GRAMD2B: variants seen among roughly 807,000 people sequenced by gnomAD.
GRAMD2B encodes GRAM domain-containing protein 2B.
GRAMD2B carries 41 observed loss-of-function variants against 59.2 expected under a neutral mutation model. The observed-to-expected ratio is 0.69, with a 90% CI of 0.54 to 0.90. The LOEUF (loss-of-function observed/expected upper bound fraction) is 0.90. Among genes scored for constraint, GRAMD2B ranks in the 40% least tolerant of loss-of-function variants. GRAMD2B has a pLI of 0.00. For missense variants in GRAMD2B, 424 were observed against 500.5 expected, an observed-to-expected ratio of 0.85 and a Z score of 1.46; for synonymous variants, 161 against 182.7, an observed-to-expected ratio of 0.88 and a Z score of 0.96.
Position 126,423,540 on chromosome 5 carries a change from A to G in GRAMD2B, c.-67A>G. 1 of 1,570,566 alleles carries G rather than the reference A, an allele frequency of 6.4e-7. No homozygotes were observed. The highest frequency in any genetic ancestry group is 8.6e-7 in the Non-Finnish European group (1 of 1,159,640). ...CTTGGCCTGCGCACCCGGACCTAGA[A>G]GCCGGGACGAGCCGGGGCAGAGCCA... On this transcript the variant is annotated 5_prime_UTR_variant, in exon 1 of 14. Transcript: ENST00000285689.
At chr5:126,421,914 GC>G (rs1417524509), upstream of GRAMD2B, among the ~76,000 whole-genome samples, 4 of 152,150 alleles carry the variant, frequency 2.6e-5, no homozygotes. Context: ...AGGACTTGCA[GC>G]CCCAGAACAT....
chr5:126,460,197 G>A (rs948588561), intron 1 of GRAMD2B, among the ~76,000 whole-genome samples: 2 of 152,156 alleles, frequency 1.3e-5, no homozygotes, highest in African/African-American at 2.4e-5. Context: ...AAATGCACAC[G>A]TTTACATACG....
upstream of GRAMD2B, among the ~76,000 whole-genome samples, chr5:126,366,863 T>C (rs1754462132): frequency 6.7e-6 from 1 of 149,156 alleles, no homozygotes; most frequent in Non-Finnish European, 1.5e-5. Flanking sequence ...TTTTTTTTTT[T>C]TTTCTTTTTG....
intron 1 of GRAMD2B, among the ~76,000 whole-genome samples, chr5:126,448,859 G>A: frequency 6.6e-6 from 1 of 152,328 alleles, no homozygotes; most frequent in East Asian, 1.9e-4. Context: ...TTTGTGAAAT[G>A]TGGATAACAC....
intron 1 of GRAMD2B, among the ~76,000 whole-genome samples, chr5:126,410,297 G>A (rs570201846): frequency 1.3e-3 from 199 of 151,678 alleles, no homozygotes; most frequent in African/African-American, 4.6e-3. Context: ...CCATTTTCAC[G>A]ATATTGATTC....
upstream of GRAMD2B, chr5:126,371,225 CAT>C (rs1754732574): frequency 6.4e-6 from 5 of 776,580 alleles, no homozygotes; most frequent in South Asian, 4.1e-5. Context: ...TTACAGCAAA[CAT>C]AGGTAGGATG....
chr5:126,447,362 C>G (rs935788930), intron 1 of GRAMD2B, among the ~76,000 whole-genome samples: 1 of 152,088 alleles, frequency 6.6e-6, no homozygotes, highest in Non-Finnish European at 1.5e-5. Flanking sequence ...GGGCCCTGGG[C>G]TAGAAATCAG....
upstream of GRAMD2B, among the ~76,000 whole-genome samples, chr5:126,422,050 C>T (rs914502465): frequency 3.3e-5 from 5 of 152,132 alleles, no homozygotes; most frequent in Middle Eastern, 3.2e-3. Context: ...TACTCCATTG[C>T]AAATTAGAAA....
At chr5:126,490,237 A>T (rs1281039784) in intron 13 of GRAMD2B, 1 of 152,198 alleles carries the variant, frequency 6.6e-6, no homozygotes, top group Non-Finnish European at 1.5e-5. Context: ...AACCCAGAGA[A>T]TGAAGTGGTA....
intron 1 of GRAMD2B, among the ~76,000 whole-genome samples, chr5:126,392,318 A>C (rs749598264): frequency 6.6e-6 from 1 of 152,158 alleles, no homozygotes; most frequent in Non-Finnish European, 1.5e-5. Context: ...TCACAGGGGG[A>C]AAGACACAAG....
At chr5:126,367,432 T>TGGGGGA (rs1754507767), upstream of GRAMD2B, among the ~76,000 whole-genome samples, 1 of 140,682 alleles carries the variant, frequency 7.1e-6, no homozygotes, top group Non-Finnish European at 1.5e-5. Context: ...CTGTAAAAAC[T>TGGGGGA]GGAGGAGGAG....
At chr5:126,465,405 G>A (rs1768134374) in intron 1 of GRAMD2B, 21 bp from the exon 2 acceptor site, 2 of 1,613,950 alleles carry the variant, frequency 1.2e-6, no homozygotes, top group Non-Finnish European at 1.7e-6. Context: ...CTAAAGTGAA[G>A]CGGTTTCCTT....
chr5:126,486,968 A>G lies in GRAMD2B; in HGVS notation c.1154A>G (p.His385Arg). The G allele has an allele frequency of 1.9e-6, 3 of 1,575,292 alleles. No homozygotes were observed. The highest frequency in any genetic ancestry group is 4.5e-5 in the East Asian group (2 of 44,620). ...TTACTAACCTCCATTGTGGACACCC[A>G]TAATACTGAGTAAGACGATTGCCTC... The part of the protein sequence containing the change: ...LGLLTSIVDT[H>R]NTEQAAPSGL... The change falls in exon 12 of 14, where the codon CAT becomes CGT. Residue 385 changes from histidine to arginine, a missense_variant. By Grantham distance (29) the His-to-Arg change is conservative (BLOSUM62 0). Transcript: ENST00000285689.
At chr5:126,382,247 C>T (rs1384959330) in intron 1 of GRAMD2B, among the ~76,000 whole-genome samples, 1 of 152,158 alleles carries the variant, frequency 6.6e-6, no homozygotes, top group Non-Finnish European at 1.5e-5. Flanking sequence ...TCTAGCAAGG[C>T]CAGGAAAGTT....
At chr5:126,459,073 C>T (rs1460827423) in intron 1 of GRAMD2B, 1 of 152,060 alleles carries the variant, frequency 6.6e-6, no homozygotes, top group African/African-American at 2.4e-5. Flanking sequence ...TTTTAAAGAC[C>T]TTAGAAAGAA....
chr5:126,450,452 A>G (rs963119927), intron 1 of GRAMD2B, among the ~76,000 whole-genome samples: 2 of 152,094 alleles, frequency 1.3e-5, no homozygotes, highest in Non-Finnish European at 2.9e-5. Flanking sequence ...AGGTCAGACA[A>G]GAGATTTGAA....
intron 3 of GRAMD2B, 71 bp downstream of exon 3, chr5:126,469,859 C>A (rs1769217929): frequency 2.0e-6 from 2 of 1,011,034 alleles, no homozygotes; most frequent in Non-Finnish European, 3.1e-6. Context: ...CAAGAAGGAA[C>A]CCAAGTATGC....
chr5:126,407,066 A>C (rs1472706421), intron 1 of GRAMD2B, among the ~76,000 whole-genome samples: 1 of 152,044 alleles, frequency 6.6e-6, no homozygotes, highest in Non-Finnish European at 1.5e-5. Flanking sequence ...ATAATTTGAC[A>C]TTCTTGCTAC....
chr5:126,392,400 A>G (rs192438097), intron 1 of GRAMD2B, among the ~76,000 whole-genome samples: 13 of 152,320 alleles, frequency 8.5e-5, no homozygotes, highest in Non-Finnish European at 1.5e-4. Context: ...CAGAGAGCAC[A>G]CTTTTGCACC....
Sources: gnomAD v4.1 joint callset for allele counts (sites outside exome capture counted in the v4.1 genomes callset) on GRCh38, gnomAD v4.1.1 for gene constraint, MANE v1.5 for transcripts, NCBI Gene and HGNC (gene_info 2026-07-23, HGNC 2026-07-21) for gene names.